The following OPHN1 variants were observed in gnomAD, a reference collection of about 807,000 sequenced individuals.
OPHN1 encodes oligophrenin 1.
Under a neutral mutation model 60.7 loss-of-function variants are expected in OPHN1, and 11 were observed. The ratio of observed to expected loss-of-function variants is 0.18; its 90% CI spans 0.11 to 0.30. The LOEUF is 0.30. OPHN1 is among the 10% of genes least tolerant of loss of function. The pLI, the probability that OPHN1 is intolerant of heterozygous loss-of-function variation, is 1.00. For missense variants in OPHN1, 449 were observed against 611.0 expected (o/e 0.73, Z 2.80); for synonymous variants, 226 against 222.6 (o/e 1.02, Z -0.14).
At chrX:68,302,358 G>A (rs1363508366) in intron 2 of OPHN1, among the ~76,000 whole-genome samples, 2 of 111,387 alleles carry the variant, frequency 1.8e-5, no homozygotes, top group African/African-American at 6.5e-5. Context: ...GGAGGCCAAC[G>A]CGGGCAGATT....
rs187369484 is a variant in OPHN1, at chrX:68,263,803, G to A, written c.384+10935C>T. ...GCCACACGTAATTTTAAAATGTTTAGTAGTCACATTTCAAAAAGAAAAAAT... is the reference window on the plus strand; with the variant it reads ...GCCACACGTAATTTTAAAATGTTTAATAGTCACATTTCAAAAAGAAAAAAT... On this transcript the variant is annotated intron_variant, in intron 5 of 24. Coordinates refer to ENST00000355520, the MANE Select transcript of OPHN1 (RefSeq NM_002547.3). Among the ~76,000 whole-genome samples, 191 of 111,514 alleles carry A rather than the reference G, an allele frequency of 1.7e-3. 1 individual carries two copies. Among genetic ancestry groups the A allele is most frequent in the African/African-American group, 5.9e-3 (180 of 30,725 alleles).
chrX:68,245,383 GC>G (rs1296939602), intron 5 of OPHN1, among the ~76,000 whole-genome samples: 1 of 111,980 alleles, frequency 8.9e-6, no homozygotes, highest in African/African-American at 3.2e-5. Flanking sequence ...TTCATACTGT[GC>G]TTTTTGTTCA....
intron 2 of OPHN1, among the ~76,000 whole-genome samples, chrX:68,380,570 G>C (rs1269744526): frequency 9.0e-6 from 1 of 111,394 alleles, no homozygotes. Flanking sequence ...GGCATTTAGT[G>C]CTATAAATTT....
At chrX:68,188,477 C>T (rs2077473113) in intron 15 of OPHN1, among the ~76,000 whole-genome samples, 1 of 111,712 alleles carries the variant, frequency 9.0e-6, no homozygotes, top group South Asian at 3.7e-4. Flanking sequence ...GATTAATGAA[C>T]CTATATAAAA....
chrX:68,412,663 A>G (rs945185577), intron 2 of OPHN1, among the ~76,000 whole-genome samples: 4 of 111,925 alleles, frequency 3.6e-5, no homozygotes, highest in African/African-American at 1.3e-4. Flanking sequence ...TTTTATCACA[A>G]TTTAAAACAA....
chrX:68,378,961 T>C (rs1351340079), intron 2 of OPHN1, among the ~76,000 whole-genome samples: 1 of 111,044 alleles, frequency 9.0e-6, no homozygotes, highest in Non-Finnish European at 1.9e-5. Flanking sequence ...TTTTTCCAAT[T>C]CTGTGAAGAA....
intron 6 of OPHN1, among the ~76,000 whole-genome samples, chrX:68,221,597 C>G (rs1434896653): frequency 2.2e-5 from 2 of 90,188 alleles, no homozygotes; most frequent in South Asian, 1.3e-3. Flanking sequence ...ACCAATGGAA[C>G]AGAACAGAGC....
intron 15 of OPHN1, among the ~76,000 whole-genome samples, chrX:68,175,538 C>A (rs995183649): frequency 9.0e-6 from 1 of 111,545 alleles, no homozygotes; most frequent in Non-Finnish European, 1.9e-5. Flanking sequence ...TTCACTTGAA[C>A]CCTGTGCTCC....
chrX:68,259,867 G>C (rs1347661867), intron 5 of OPHN1, among the ~76,000 whole-genome samples: 1 of 111,581 alleles, frequency 9.0e-6, no homozygotes, highest in Non-Finnish European at 1.9e-5. Flanking sequence ...TCATCATAGA[G>C]GAAGAAGGTC....
intron 5 of OPHN1, among the ~76,000 whole-genome samples, chrX:68,268,356 AC>A (rs1253966573): frequency 8.9e-6 from 1 of 111,903 alleles, no homozygotes; most frequent in East Asian, 2.8e-4. Context: ...ATACTGGCAA[AC>A]CGAATCCAGC....
At chrX:68,413,993 CAAG>C (rs1456168937) in intron 2 of OPHN1, among the ~76,000 whole-genome samples, 2 of 111,519 alleles carry the variant, frequency 1.8e-5, no homozygotes, top group Non-Finnish European at 3.8e-5. Flanking sequence ...CCATTATTGA[CAAG>C]AACTCTGTCT....
chrX:68,418,937 A>G (rs1038008714), intron 2 of OPHN1, among the ~76,000 whole-genome samples: 1 of 111,301 alleles, frequency 9.0e-6, no homozygotes, highest in Non-Finnish European at 1.9e-5. Flanking sequence ...TTTAAGGATG[A>G]AACTGGTTCC....
intron 5 of OPHN1, among the ~76,000 whole-genome samples, chrX:68,260,451 C>T (rs1383382660): frequency 9.1e-6 from 1 of 110,013 alleles, no homozygotes; most frequent in Non-Finnish European, 1.9e-5. Flanking sequence ...GATACGAGCC[C>T]CACAAAGCAG....
chrX:68,191,588 T>C (rs958286671), intron 15 of OPHN1, among the ~76,000 whole-genome samples: 2 of 112,028 alleles, frequency 1.8e-5, no homozygotes, highest in Non-Finnish European at 3.8e-5. Context: ...ATGTAGTTAT[T>C]GAGCAACAGA....
chrX:68,130,733 T>C (rs2077190699), intron 15 of OPHN1, among the ~76,000 whole-genome samples: 1 of 110,202 alleles, frequency 9.1e-6, no homozygotes, highest in African/African-American at 3.3e-5. Context: ...ACCCACATAA[T>C]AAAAGACTTA....
intron 6 of OPHN1, among the ~76,000 whole-genome samples, chrX:68,221,867 G>T (rs1356676959): frequency 1.2e-5 from 1 of 85,451 alleles, no homozygotes; most frequent in Non-Finnish European, 2.3e-5. Context: ...CATAGGCATG[G>T]GCAAGGACTT....
intron 19 of OPHN1, 92 bp from the exon 20 acceptor site, chrX:68,073,391 T>C: frequency 1.3e-6 from 1 of 792,033 alleles, no homozygotes; most frequent in East Asian, 3.2e-5. Flanking sequence ...GTTGGCCTTA[T>C]ATCTAGAGTT....
intron 2 of OPHN1, among the ~76,000 whole-genome samples, chrX:68,357,300 G>A (rs944600542): frequency 8.1e-5 from 9 of 111,275 alleles, no homozygotes; most frequent in South Asian, 3.8e-4. Flanking sequence ...TGTGCACAAC[G>A]TGCAGGTTTG....
intron 15 of OPHN1, among the ~76,000 whole-genome samples, chrX:68,168,505 T>A (rs2077371393): frequency 9.1e-6 from 1 of 109,482 alleles, no homozygotes; most frequent in Non-Finnish European, 1.9e-5. Context: ...TTCAAAGCAC[T>A]GTGTAGAGGT....
Sources: allele counts gnomAD v4.1 joint callset (sites outside exome capture counted in the v4.1 genomes callset), GRCh38; gene constraint gnomAD v4.1.1; transcripts MANE v1.5; gene names NCBI Gene and HGNC (gene_info 2026-07-23, HGNC 2026-07-21).